ROS1: variants seen among roughly 807,000 people sequenced by gnomAD.
ROS1 encodes the protein proto-oncogene tyrosine-protein kinase ROS.
In ROS1, 263 loss-of-function variants were observed where a neutral mutation model predicts 273.5. The ratio of observed to expected loss-of-function variants is 0.96; its 90% CI spans 0.87 to 1.06. ROS1 has a LOEUF of 1.06. Among genes scored for constraint, ROS1 ranks in the 50% least tolerant of loss-of-function variants. The pLI is 0.00. For synonymous variants in ROS1, 1,008 were observed against 954.1 expected (o/e 1.06, Z -1.04); for missense variants, 2,833 against 2,751.1 (o/e 1.03, Z -0.67).
At chr6:117,424,605 G>A (rs150360368) in intron 1 of ROS1, among the ~76,000 whole-genome samples, 250 of 151,772 alleles carry the variant, frequency 1.6e-3, no homozygotes, top group African/African-American at 5.3e-3. Flanking sequence ...TGAAGTCTTC[G>A]GCAAAGATTT....
chr6:117,366,428 C>T (rs765846732), intron 18 of ROS1, 138 bp from the exon 19 acceptor site: 49 of 624,632 alleles, frequency 7.8e-5, no homozygotes, highest in Non-Finnish European at 1.1e-4. Flanking sequence ...TACTTTCTAA[C>T]GATTATTGTC....
At chr6:117,352,112 G>A (rs145604420) in intron 27 of ROS1, among the ~76,000 whole-genome samples, 88 of 152,142 alleles carry the variant, frequency 5.8e-4, no homozygotes, top group Admixed American at 3.9e-3. Flanking sequence ...GACGAGTCTC[G>A]CTCAGTCGCC....
At chr6:117,330,410 C>T (rs1451242974) in intron 32 of ROS1, among the ~76,000 whole-genome samples, 4 of 152,236 alleles carry the variant, frequency 2.6e-5, no homozygotes, top group African/African-American at 9.6e-5. Flanking sequence ...TCTGAGGAAT[C>T]TGGGAAGCCC....
chr6:117,382,380 T>C (rs901944471), intron 17 of ROS1, among the ~76,000 whole-genome samples: 3 of 152,156 alleles, frequency 2.0e-5, no homozygotes, highest in Non-Finnish European at 2.9e-5. Flanking sequence ...TATTAGTTCA[T>C]ATATATACAT....
intron 22 of ROS1, among the ~76,000 whole-genome samples, chr6:117,361,382 T>C (rs1005165281): frequency 6.6e-6 from 1 of 150,398 alleles, no homozygotes; most frequent in Non-Finnish European, 1.5e-5. Flanking sequence ...CATATTTTAC[T>C]GTATTTTATA....
chr6:117,301,189 T>C (rs1774696925), intron 42 of ROS1, 52 bp from the exon 43 acceptor site: 2 of 1,466,544 alleles, frequency 1.4e-6, no homozygotes, highest in East Asian at 2.5e-5. Context: ...ATATAATTAC[T>C]GATAACCCAG....
intron 18 of ROS1, among the ~76,000 whole-genome samples, chr6:117,373,263 G>A (rs1445030212): frequency 1.3e-5 from 2 of 152,222 alleles, no homozygotes; most frequent in Non-Finnish European, 2.9e-5. Context: ...GGGTGGAGCT[G>A]CCCGCCAGTC....
At chr6:117,336,125 A>G (rs1345586362) in intron 32 of ROS1, among the ~76,000 whole-genome samples, 2 of 152,146 alleles carry the variant, frequency 1.3e-5, no homozygotes, top group South Asian at 2.1e-4. Context: ...AAAGAAAACT[A>G]TCATAAGTTT....
intron 43 of ROS1, among the ~76,000 whole-genome samples, chr6:117,292,115 G>A (rs555074002): frequency 7.2e-5 from 11 of 151,900 alleles, no homozygotes; most frequent in South Asian, 2.1e-4. Flanking sequence ...GAATACAGGC[G>A]CCCACCACCA....
At chr6:117,299,423 G>A (rs1582545992) in intron 43 of ROS1, 1 of 152,252 alleles carries the variant, frequency 6.6e-6, no homozygotes, top group East Asian at 1.9e-4. Flanking sequence ...GGTTGATTCA[G>A]CTGATGTCTG....
intron 32 of ROS1, among the ~76,000 whole-genome samples, chr6:117,332,601 C>T (rs1442720453): frequency 6.6e-6 from 1 of 152,142 alleles, no homozygotes; most frequent in Non-Finnish European, 1.5e-5. Context: ...GGAAGTAAAA[C>T]ACTCCTCAGC....
Position 117,310,298 on chromosome 6 carries a change from A to G in ROS1, c.6216-17T>C, listed in dbSNP as rs1048977097. ...GCCAGATCCCTGTGGCAGAAGTTAT[A>G]TTTAATAATAATAATAATAACAACA... On this transcript the variant is annotated splice_polypyrimidine_tract_variant and intron_variant, in intron 40 of 43. Coordinates refer to ENST00000368507, the MANE Select transcript of ROS1 (RefSeq NM_001378902.1). The G allele has an allele frequency of 4.7e-6, 7 of 1,476,352 alleles. No individual in the cohort carries two copies. The highest frequency in any genetic ancestry group is 4.0e-5 in the Admixed American group (2 of 50,416). 91.5% of individuals were successfully genotyped at this position (1,476,352 alleles called of 1,614,324 possible).
chr6:117,314,521 C>G (rs1012108636), intron 39 of ROS1, among the ~76,000 whole-genome samples: 1 of 152,150 alleles, frequency 6.6e-6, no homozygotes, highest in Non-Finnish European at 1.5e-5. Flanking sequence ...ATCATAGATT[C>G]TTCTACCACA....
chr6:117,409,134 C>T (rs1212212665), intron 5 of ROS1, among the ~76,000 whole-genome samples: 2 of 151,752 alleles, frequency 1.3e-5, no homozygotes, highest in Non-Finnish European at 2.9e-5. Flanking sequence ...TTAATGGGTG[C>T]AGCACACCAA....
At chr6:117,401,311 A>G (rs557728282) in intron 7 of ROS1, among the ~76,000 whole-genome samples, 1 of 152,248 alleles carries the variant, frequency 6.6e-6, no homozygotes, top group Admixed American at 6.5e-5. Context: ...TAAAATTTGA[A>G]CAAGTCCCTC....
intron 27 of ROS1, 94 bp downstream of exon 27, chr6:117,352,896 G>A: frequency 1.8e-6 from 2 of 1,126,338 alleles, no homozygotes; most frequent in Non-Finnish European, 2.6e-6. Context: ...CACAACAAAG[G>A]GGCTAAAGGG....
chr6:117,300,495 C>A (rs1774633347), intron 43 of ROS1, among the ~76,000 whole-genome samples: 1 of 151,922 alleles, frequency 6.6e-6, no homozygotes, highest in Non-Finnish European at 1.5e-5. Context: ...AAGATACACA[C>A]TAAAGACGTT....
In ROS1 at chr6:117,403,217, G is replaced by C. The variant is rs769105985; in HGVS notation, c.526C>G (p.Arg176Gly). 1 of 1,612,160 alleles carries C rather than the reference G, an allele frequency of 6.2e-7. No homozygotes were observed. The highest frequency in any genetic ancestry group is 8.5e-7 in the Non-Finnish European group (1 of 1,179,590). ...PLHPFTEYIF[R>G]VVWIFTAQLQ... ...TGCGCTGTGAAGATCCAAACCACTC[G>C]GAAAATGTACTCAGTGAAGGGGTGC... Residue 176 changes from arginine to glycine, a missense_variant, in exon 7 of 44, where the codon CGA (arginine) becomes GGA (glycine). Coordinates refer to ENST00000368507, the MANE Select transcript of ROS1 (RefSeq NM_001378902.1).
At chr6:117,341,334 G>A in intron 30 of ROS1, 23 bp from the exon 31 acceptor site, 1 of 1,612,514 alleles carries the variant, frequency 6.2e-7, no homozygotes, top group Non-Finnish European at 8.5e-7. Flanking sequence ...AAGAACAATT[G>A]CTTAACCTTT....
Sources: allele counts gnomAD v4.1 joint callset (sites outside exome capture counted in the v4.1 genomes callset), GRCh38; gene constraint gnomAD v4.1.1; transcripts MANE v1.5; gene names NCBI Gene and HGNC (gene_info 2026-07-23, HGNC 2026-07-21).